Variants in HLCS observed in about 807,000 individuals in gnomAD.
HLCS encodes biotin--protein ligase.
HLCS carries 53 observed loss-of-function variants against 75.0 expected under a neutral mutation model. The ratio of observed to expected loss-of-function variants is 0.71; its 90% CI spans 0.57 to 0.89. The LOEUF (loss-of-function observed/expected upper bound fraction) is 0.89. Among genes scored for constraint, HLCS ranks in the 40% least tolerant of loss-of-function variants. The probability of loss-of-function intolerance (pLI) is 0.00; values close to 1 mark genes in which losing one functional copy is unlikely to be tolerated. For missense variants in HLCS, 966 were observed against 1,074.0 expected (o/e 0.90, Z 1.41); for synonymous variants, 431 against 428.6 (o/e 1.01, Z -0.07).
chr21:36,930,649 A>C (rs771017514), intron 4 of HLCS, among the ~76,000 whole-genome samples: 13 of 152,098 alleles, frequency 8.5e-5, no homozygotes, highest in Middle Eastern at 3.4e-3. Flanking sequence ...CTGGCCAAAA[A>C]ATTTCTTTAC....
intron 6 of HLCS, among the ~76,000 whole-genome samples, chr21:36,859,657 T>C (rs756552942): frequency 2.6e-5 from 4 of 152,244 alleles, no homozygotes; most frequent in Admixed American, 6.5e-5. Context: ...GCAGTGACTT[T>C]CATACAAGTT....
intron 6 of HLCS, among the ~76,000 whole-genome samples, chr21:36,820,716 G>A (rs1043967457): frequency 5.9e-5 from 9 of 152,382 alleles, no homozygotes; most frequent in East Asian, 1.9e-4. Context: ...TGTGGGCACC[G>A]TGGATGTCAG....
intron 4 of HLCS, among the ~76,000 whole-genome samples, chr21:36,933,653 C>CAA (rs3842450): frequency 0.55 from 83,795 of 151,290 alleles, 23,476 homozygotes; most frequent in East Asian, 0.64. Context: ...CCAGTATAGA[C>CAA]AAACAGCATA....
intron 1 of HLCS, among the ~76,000 whole-genome samples, chr21:36,979,004 T>C (rs2069025478): frequency 2.0e-5 from 3 of 152,070 alleles, no homozygotes; most frequent in Admixed American, 2.0e-4. Flanking sequence ...GTGCGGTGGC[T>C]CACGCCTGTA....
intron 6 of HLCS, among the ~76,000 whole-genome samples, chr21:36,882,486 G>A (rs1219515340): frequency 1.3e-5 from 2 of 151,856 alleles, no homozygotes; most frequent in African/African-American, 4.8e-5. Flanking sequence ...TGTCGCCCAG[G>A]CTGGAGTGCA....
intron 2 of HLCS, chr21:36,947,821 G>A (rs1299324973): frequency 2.5e-5 from 25 of 985,370 alleles, no homozygotes; most frequent in Non-Finnish European, 2.9e-5. Context: ...GCTCTGCAGT[G>A]AGTGGGGAAC....
chr21:36,755,760 G>A (rs985319697), intron 10 of HLCS, among the ~76,000 whole-genome samples: 4 of 152,298 alleles, frequency 2.6e-5, no homozygotes, highest in Admixed American at 1.3e-4. Flanking sequence ...ATCAGTGAGC[G>A]GTCCTCGGAC....
At chr21:36,766,731 G>C (rs138725386) in intron 7 of HLCS, among the ~76,000 whole-genome samples, 11 of 152,176 alleles carry the variant, frequency 7.2e-5, no homozygotes, top group South Asian at 2.1e-4. Flanking sequence ...CCTGGGCAGC[G>C]CTCTGCTTCT....
chr21:36,758,757 C>T (rs550017456), intron 9 of HLCS, among the ~76,000 whole-genome samples: 2 of 152,072 alleles, frequency 1.3e-5, no homozygotes, highest in East Asian at 1.9e-4. Flanking sequence ...CCGAGGCGGG[C>T]GGATCATGAG....
chr21:36,844,199 A>G lies in HLCS; in HGVS notation c.1892+52661T>C, dbSNP rs1209777716. On this transcript the variant is annotated intron_variant, in intron 6 of 10. Coordinates refer to ENST00000674895, the MANE Select transcript of HLCS (RefSeq NM_001352514.2). ...TAAAGGTGGATACGTATCACTATAC[A>G]TTTGGCAACACCCATAGAACTCCGC... Among the ~76,000 whole-genome samples, 4 of 152,202 alleles carry G rather than the reference A, an allele frequency of 2.6e-5. No homozygotes were observed. In the East Asian group the frequency reaches 5.8e-4, roughly 22 times the overall value.
At chr21:36,771,219 C>CAAATAAATAAATAAAT (rs749446913) in intron 6 of HLCS, among the ~76,000 whole-genome samples, 7,635 of 142,272 alleles carry the variant, frequency 0.054, 293 homozygotes, top group African/African-American at 0.1. Flanking sequence ...GACTCCGTCT[C>CAAATAAATAAATAAAT]AAATAAATAA....
chr21:36,899,461 T>C (rs191326491), intron 5 of HLCS, among the ~76,000 whole-genome samples: 1 of 151,918 alleles, frequency 6.6e-6, no homozygotes, highest in Non-Finnish European at 1.5e-5. Flanking sequence ...CCGTCTCTAA[T>C]AAAAATACAA....
chr21:36,791,779 T>G (rs1223240158), intron 6 of HLCS, among the ~76,000 whole-genome samples: 1 of 152,070 alleles, frequency 6.6e-6, no homozygotes, highest in East Asian at 1.9e-4. Flanking sequence ...AGGGGCCTGT[T>G]TGCTGGACAC....
chr21:36,888,486 A>T lies in HLCS; in HGVS notation c.1892+8374T>A, dbSNP rs1272938922. ...TATATATATATATATATATATATAT[A>T]TATATATATATTTATTTATTTATTT... is the stretch of plus-strand genomic sequence containing the variant. On this transcript the variant is annotated intron_variant, in intron 6 of 10. Coordinates refer to ENST00000674895, the MANE Select transcript of HLCS (RefSeq NM_001352514.2). Among the ~76,000 whole-genome samples the T allele has an allele frequency of 1.9e-3, 159 of 82,900 alleles. 3 individuals carry two copies. Among genetic ancestry groups the T allele is most frequent in the African/African-American group, 2.5e-3 (57 of 22,778 alleles). 54.4% of individuals were successfully genotyped at this position (82,900 alleles called of 152,430 possible).
At position 36,906,064 on chromosome 21, in the gene HLCS, AC is replaced by A. The variant is rs67797999; in HGVS notation, c.1621-8934del. Reference sequence around the variant, plus strand: ...GACTCCATCTCAAAAAAAAAAAAAAACAAAACAAAAATTGGGTGCATTTCCA... The same window carrying A: ...GACTCCATCTCAAAAAAAAAAAAAAAAAAACAAAAATTGGGTGCATTTCCA... On this transcript the variant is annotated intron_variant, in intron 5 of 10. Transcript: ENST00000674895. Among the ~76,000 whole-genome samples the A allele has an allele frequency of 7.5e-3, 1,122 of 150,444 alleles. 43 individuals carry two copies. The highest frequency in any genetic ancestry group is 0.025 in the African/African-American group (1,009 of 40,474).
At position 36,866,141 on chromosome 21, in the gene HLCS, T is replaced by A. The variant is rs201683091; in HGVS notation, c.1892+30719A>T. ...ATTGTATACATTTTATACCTTTCAA[T>A]CTGGACCAAATTAGTTGGTTAGTAG... On this transcript the variant is annotated intron_variant, in intron 6 of 10. Transcript: ENST00000674895. Among the ~76,000 whole-genome samples the A allele has an allele frequency of 3.2e-5, 3 of 92,606 alleles. No homozygotes were observed. The South Asian group carries it at 1.5e-3, about 47-fold the overall frequency. 60.8% of individuals were successfully genotyped at this position (92,606 alleles called of 152,430 possible). A position where few individuals can be genotyped will look rare whatever the true frequency, so the allele number is the denominator to read the frequency against.
At chr21:36,957,887 C>T (rs145116814) in intron 2 of HLCS, among the ~76,000 whole-genome samples, 1 of 148,264 alleles carries the variant, frequency 6.7e-6, no homozygotes, top group Non-Finnish European at 1.5e-5. Flanking sequence ...CGAGATCGCG[C>T]CACTGCACTT....
At chr21:36,871,097 C>G (rs1471780156) in intron 6 of HLCS, among the ~76,000 whole-genome samples, 1 of 152,164 alleles carries the variant, frequency 6.6e-6, no homozygotes, top group African/African-American at 2.4e-5. Context: ...AGCAGGGAGC[C>G]TCGTATTCCG....
At chr21:36,799,812 C>CA (rs2061142482) in intron 6 of HLCS, among the ~76,000 whole-genome samples, 1 of 152,218 alleles carries the variant, frequency 6.6e-6, no homozygotes, top group Admixed American at 6.5e-5. Flanking sequence ...CCCTACAAAT[C>CA]AGAGTCCCGA....
Sources: gnomAD v4.1 joint callset for allele counts (sites outside exome capture counted in the v4.1 genomes callset) on GRCh38, gnomAD v4.1.1 for gene constraint, MANE v1.5 for transcripts, NCBI Gene and HGNC (gene_info 2026-07-23, HGNC 2026-07-21) for gene names.